The following BUB1 variants were observed in gnomAD, a reference collection of about 807,000 sequenced individuals.
BUB1 encodes mitotic checkpoint serine/threonine-protein kinase BUB1.
BUB1 carries 84 observed loss-of-function variants against 135.2 expected under a neutral mutation model. That is an observed-to-expected ratio of 0.62 (90% CI 0.52 to 0.74). BUB1 has a LOEUF of 0.74. Ranked by LOEUF, BUB1 falls within the 30% of genes least tolerant of loss-of-function variation. The probability of loss-of-function intolerance (pLI) is 0.00; values close to 1 mark genes in which losing one functional copy is unlikely to be tolerated. For synonymous variants in BUB1, 403 were observed against 434.4 expected (o/e 0.93, Z 0.90); for missense variants, 1,162 against 1,288.3 (o/e 0.90, Z 1.50).
At position 110,650,647 on chromosome 2, in the gene BUB1, G is replaced by C; in HGVS notation, c.2102C>G (p.Thr701Arg). 6.2e-7 allele frequency: 1 copy of C among 1,613,972 alleles called. No homozygotes were observed. Among genetic ancestry groups the C allele is most frequent in the South Asian group, 1.1e-5 (1 of 91,080 alleles). ...AELGVEACRL[T>R]DTDAAIAEDP... ...TTCTGCAATGGCAGCGTCAGTGTCT[G>C]TGAGTCTGCAAGCCTCAACGCCCAA... Residue 701 changes from threonine to arginine, a missense_variant, in exon 18 of 25, where the codon ACA (threonine) becomes AGA (arginine). Transcript: ENST00000302759.
At chr2:110,652,059 TACACACACAC>T (rs559734586) in intron 17 of BUB1, among the ~76,000 whole-genome samples, 13 of 145,284 alleles carry the variant, frequency 8.9e-5, no homozygotes, top group East Asian at 2.0e-4. Context: ...TATACATCCA[TACACACACAC>T]ACACACACAC....
At chr2:110,675,109 C>A (rs1690537105) in intron 1 of BUB1, 1 of 152,254 alleles carries the variant, frequency 6.6e-6, no homozygotes, top group South Asian at 2.1e-4. Flanking sequence ...AAATCAGCCA[C>A]AGAGCTCCCA....
At chr2:110,643,630 G>T (rs773909836) in intron 19 of BUB1, among the ~76,000 whole-genome samples, 1 of 152,112 alleles carries the variant, frequency 6.6e-6, no homozygotes, top group Non-Finnish European at 1.5e-5. Context: ...AGAATTATCA[G>T]ACTAGGATTT....
At chr2:110,660,333 A>G (rs1262809904) in intron 10 of BUB1, among the ~76,000 whole-genome samples, 1 of 151,928 alleles carries the variant, frequency 6.6e-6, no homozygotes, top group Non-Finnish European at 1.5e-5. Context: ...CCAAGATCGC[A>G]CCATTGCACT....
chr2:110,677,996 G>T lies in BUB1; in HGVS notation c.-1C>A, dbSNP rs749617667. The T allele has an allele frequency of 1.2e-5, 20 of 1,607,502 alleles. No individual in the cohort carries two copies. Among genetic ancestry groups the T allele is most frequent in the Non-Finnish European group, 1.4e-5 (17 of 1,177,574 alleles). ...GAAGGACATTTTCCGGGGTGTCCAT[G>T]GCCAGAGGACGCTGGCCGGCAGCGG... On this transcript the variant is annotated 5_prime_UTR_variant, in exon 1 of 25. Coordinates refer to ENST00000302759, the MANE Select transcript of BUB1 (RefSeq NM_004336.5).
At chr2:110,676,789 T>C (rs1395507636) in intron 1 of BUB1, among the ~76,000 whole-genome samples, 2 of 152,102 alleles carry the variant, frequency 1.3e-5, no homozygotes, top group Non-Finnish European at 2.9e-5. Flanking sequence ...AATGTAAATA[T>C]TTATATTTCC....
Position 110,678,007 on chromosome 2 carries a change from G to T in BUB1, c.-12C>A, listed in dbSNP as rs774703890. ...TCCGGGGTGTCCATGGCCAGAGGACGCTGGCCGGCAGCGGCCAAACCTGAA... is the reference window on the plus strand; with the variant it reads ...TCCGGGGTGTCCATGGCCAGAGGACTCTGGCCGGCAGCGGCCAAACCTGAA... On this transcript the variant is annotated 5_prime_UTR_variant, in exon 1 of 25. Coordinates refer to ENST00000302759, the MANE Select transcript of BUB1 (RefSeq NM_004336.5). The T allele has an allele frequency of 3.1e-6, 5 of 1,604,378 alleles. No homozygotes were observed. The East Asian group carries it at 9.0e-5, about 29-fold the overall frequency.
chr2:110,653,315 C>A, intron 17 of BUB1, 121 bp downstream of exon 17: 1 of 938,160 alleles, frequency 1.1e-6, no homozygotes, highest in Non-Finnish European at 1.6e-6. Context: ...TCTTTATTGG[C>A]CTTTAAGGCT....
chr2:110,658,761 C>A lies in BUB1; in HGVS notation c.1277-19G>T. On this transcript the variant is annotated intron_variant, in intron 11 of 24. Coordinates refer to ENST00000302759, the MANE Select transcript of BUB1 (RefSeq NM_004336.5). ...TCACACCCTAGCAAAGAAATGGAGA[C>A]AAAATGTGGTATCAGTAGGGAAATC... is the stretch of plus-strand genomic sequence containing the variant. The A allele has an allele frequency of 6.2e-7, 1 of 1,613,692 alleles. No homozygotes were observed. The highest frequency in any genetic ancestry group is 8.5e-7 in the Non-Finnish European group (1 of 1,179,802).
At chr2:110,677,254 A>G (rs1048362547) in intron 1 of BUB1, among the ~76,000 whole-genome samples, 1 of 152,232 alleles carries the variant, frequency 6.6e-6, no homozygotes, top group Non-Finnish European at 1.5e-5. Flanking sequence ...CTTAGAGCAA[A>G]TGGATTTTTG....
chr2:110,641,663 G>C lies in BUB1; in HGVS notation c.2604C>G (p.Leu868=). 2 of 1,612,734 alleles carry C rather than the reference G, an allele frequency of 1.2e-6. No homozygotes were observed. Among genetic ancestry groups the C allele is most frequent in the Non-Finnish European group, 1.7e-6 (2 of 1,179,804 alleles). The change falls in exon 21 of 25, where the codon CTC becomes CTG. Residue 868 remains leucine (L), a synonymous_variant. Transcript: ENST00000302759. ...FQNGSVLVGE[L]YSYGTLLNAI... ...TTACTAATAATGTTCCATAGCTGTAGAGCTCTCCTACTAATACACTGCCAT... is the reference window on the plus strand; with the variant it reads ...TTACTAATAATGTTCCATAGCTGTACAGCTCTCCTACTAATACACTGCCAT...
Position 110,674,085 on chromosome 2 carries a change from C to T in BUB1, c.225+1G>A. 1.3e-6 allele frequency: 2 copies of T among 1,518,170 alleles called. No individual in the cohort carries two copies. The highest frequency in any genetic ancestry group is 1.8e-6 in the Non-Finnish European group (2 of 1,103,584). The allele number at this position is 1,518,170 out of a possible 1,614,324, so 94.0% of individuals were successfully genotyped here. On this transcript the variant is annotated splice_donor_variant, in intron 3 of 24. Coordinates refer to ENST00000302759, the MANE Select transcript of BUB1 (RefSeq NM_004336.5). LOFTEE classifies it high-confidence loss of function. ...TGATTATACATCTTAAGTATACTTA[C>T]AAATTTTAAACAATAACTGATGAAT...
rs1559176589 is a variant in BUB1, at chr2:110,674,317, A to G, written c.75T>C (p.Gly25=). Residue 25 remains glycine, a synonymous_variant, in exon 2 of 25, where the codon GGT becomes GGC. Coordinates refer to ENST00000302759, the MANE Select transcript of BUB1 (RefSeq NM_004336.5). ...AACTAAATGCTGACCTTTCCCATTC[A>G]CCAAGAGGGTCATTGCCCTTGTAGC... ...MQSYKGNDPL[G]EWERYIQWVE... 2.5e-6 allele frequency: 4 copies of G among 1,613,954 alleles called. No individual in the cohort carries two copies. The Admixed American group carries it at 6.7e-5, about 27-fold the overall frequency.
chr2:110,665,751 A>G (rs921461124), intron 9 of BUB1, among the ~76,000 whole-genome samples: 2 of 152,152 alleles, frequency 1.3e-5, no homozygotes, highest in African/African-American at 4.8e-5. Flanking sequence ...TTTTATCTTC[A>G]TCGTATCCTA....
intron 19 of BUB1, among the ~76,000 whole-genome samples, chr2:110,646,664 C>T (rs1304384825): frequency 6.6e-6 from 1 of 152,022 alleles, no homozygotes; most frequent in Non-Finnish European, 1.5e-5. Flanking sequence ...CTTCTGAATA[C>T]CACATTGGTC....
intron 1 of BUB1, chr2:110,676,753 C>T (rs948362278): frequency 1.3e-5 from 2 of 151,846 alleles, no homozygotes; most frequent in Admixed American, 6.6e-5. Context: ...TGTATACAAA[C>T]GTGCAGACAT....
At chr2:110,654,969 T>C (rs369198776) in intron 16 of BUB1, among the ~76,000 whole-genome samples, 1 of 152,306 alleles carries the variant, frequency 6.6e-6, no homozygotes, top group African/African-American at 2.4e-5. Context: ...GGGTCAACTA[T>C]GGAACTTGAG....
At chr2:110,660,859 A>G (rs1349631414) in intron 10 of BUB1, 1 of 152,262 alleles carries the variant, frequency 6.6e-6, no homozygotes, top group African/African-American at 2.4e-5. Flanking sequence ...GAAAAAAATG[A>G]CACACAAGCC....
intron 9 of BUB1, chr2:110,666,009 G>C (rs556708116): frequency 2.7e-5 from 9 of 332,222 alleles, no homozygotes; most frequent in Non-Finnish European, 4.3e-5. Context: ...ACCAGAAAAA[G>C]GTCTATATAT....
Sources: gnomAD v4.1 joint callset for allele counts (sites outside exome capture counted in the v4.1 genomes callset) on GRCh38, gnomAD v4.1.1 for gene constraint, MANE v1.5 for transcripts, NCBI Gene and HGNC (gene_info 2026-07-23, HGNC 2026-07-21) for gene names.